The following HSD11B1L variants were observed in gnomAD, a reference collection of about 807,000 sequenced individuals.
The protein encoded by HSD11B1L is hydroxysteroid 11-beta-dehydrogenase 1-like protein.
Under a neutral mutation model 27.0 loss-of-function variants are expected in HSD11B1L, and 22 were observed. The observed-to-expected ratio is 0.81, with a 90% confidence interval of 0.58 to 1.16. The LOEUF is 1.16. HSD11B1L is among the 50% of genes most tolerant of loss of function. HSD11B1L has a pLI of 0.00. For missense variants in HSD11B1L, 372 were observed against 401.8 expected (o/e 0.93, Z 0.63); for synonymous variants, 187 against 189.2 (o/e 0.99, Z 0.09).
In HSD11B1L at chr19:5,687,441, G is replaced by A. The variant is rs1599429684; in HGVS notation, c.503-62G>A. 6.3e-7 allele frequency: 1 copy of A among 1,595,476 alleles called. No homozygotes were observed. The highest frequency in any genetic ancestry group is 1.3e-5 in the African/African-American group (1 of 74,672). On this transcript the variant is annotated intron_variant, in intron 6 of 7. Transcript: ENST00000339423. The surrounding 1 kb of genome is among the most constrained non-coding windows in gnomAD (Gnocchi z 6.6). The stretch of plus-strand genomic sequence containing the variant: ...GGAGCTCGATGCGGGTGAGCCTGGA[G>A]GGTCTGGGCAGGCTTCCCGGACGAG...
rs551382519 is a variant in HSD11B1L at position 5,687,392 on chromosome 19, C to T, written c.502+17C>T. ...CGCTGCTCGGTGCGTGCACCCGGCC[C>T]CGGCTCTGCGGGACGGGGAGTGGGG... On this transcript the variant is annotated intron_variant, in intron 6 of 7. Transcript: ENST00000339423. The surrounding 1 kb of genome is among the most constrained non-coding windows in gnomAD (Gnocchi z 6.6). 10 of 1,609,850 alleles carry T rather than the reference C, an allele frequency of 6.2e-6. No individual in the cohort carries two copies. In the East Asian group the frequency reaches 2.2e-4, roughly 36 times the overall value.
In HSD11B1L at chr19:5,687,687, G is replaced by GGGGGC. The variant is rs1203541862; in HGVS notation, c.668+20_668+24dup. ...CAGTCAGGTGAGGCCCGGACAAGCTGGGGGCTGGGCTGGGGGCCATGGCCC... is the reference window on the plus strand; with the variant it reads ...CAGTCAGGTGAGGCCCGGACAAGCTGGGGGCGGGGCTGGGCTGGGGGCCATGGCCC... On this transcript the variant is annotated intron_variant, in intron 7 of 7. Coordinates refer to ENST00000339423, the MANE Select transcript of HSD11B1L (RefSeq NM_198706.3). This position sits in a 1 kb window ranked among gnomAD's most constrained non-coding sequence, Gnocchi z 6.6. 1 of 1,560,352 alleles carries GGGGGC rather than the reference G, an allele frequency of 6.4e-7. No homozygotes were observed. The highest frequency in any genetic ancestry group is 8.6e-7 in the Non-Finnish European group (1 of 1,157,840).
In HSD11B1L at chr19:5,687,418, A is replaced by G. The variant is rs1473148343; in HGVS notation, c.502+43A>G. The G allele has an allele frequency of 3.1e-6, 5 of 1,604,258 alleles. No individual in the cohort carries two copies. Among genetic ancestry groups the G allele is most frequent in the Middle Eastern group, 1.7e-4 (1 of 5,882 alleles). On this transcript the variant is annotated intron_variant, in intron 6 of 7. Coordinates refer to ENST00000339423, the MANE Select transcript of HSD11B1L (RefSeq NM_198706.3). This position sits in a 1 kb window ranked among gnomAD's most constrained non-coding sequence, Gnocchi z 6.6. ...CGGCTCTGCGGGACGGGGAGTGGGG[A>G]GCTCGATGCGGGTGAGCCTGGAGGG...
Position 5,687,478 on chromosome 19 carries a change from C to G in HSD11B1L, c.503-25C>G. The G allele has an allele frequency of 6.3e-7, 1 of 1,588,480 alleles. No individual in the cohort carries two copies. The highest frequency in any genetic ancestry group is 8.5e-7 in the Non-Finnish European group (1 of 1,172,536). ...GCTTCCCGGACGAGGGGGAGCCACT[C>G]AGCCGCTGCCGTCCGCGCCCCCAGG... is the stretch of plus-strand genomic sequence containing the variant. On this transcript the variant is annotated intron_variant, in intron 6 of 7. Transcript: ENST00000339423. The surrounding 1 kb of genome is among the most constrained non-coding windows in gnomAD (Gnocchi z 6.6).
intron 1 of HSD11B1L, chr19:5,684,131 T>G (rs2054625748): frequency 2.4e-6 from 1 of 419,002 alleles, no homozygotes; most frequent in Non-Finnish European, 4.2e-6. Context: ...TGTGCGTGCC[T>G]CAGCCCCCTG....
At position 5,685,931 on chromosome 19, in the gene HSD11B1L, C is replaced by G. The variant is rs2054678462; in HGVS notation, c.205-485C>G. Among the ~76,000 whole-genome samples the G allele has an allele frequency of 6.6e-6, 1 of 152,060 alleles. No homozygotes were observed. Among genetic ancestry groups the G allele is most frequent in the Non-Finnish European group, 1.5e-5 (1 of 68,002 alleles). ...ACAAACAAACAAAAAAACCCACCTT[C>G]TCATGGGTTAGGATGTTGTGCCAAT... On this transcript the variant is annotated intron_variant, in intron 3 of 7. Coordinates refer to ENST00000339423, the MANE Select transcript of HSD11B1L (RefSeq NM_198706.3). This position sits in a 1 kb window ranked among gnomAD's most constrained non-coding sequence, Gnocchi z 4.3.
chr19:5,682,628 TG>T (rs2054585645), intron 1 of HSD11B1L, among the ~76,000 whole-genome samples: 1 of 151,876 alleles, frequency 6.6e-6, no homozygotes, highest in South Asian at 2.1e-4. Flanking sequence ...GAGCCTGGAT[TG>T]GGTCCTGCTG....
At position 5,687,346 on chromosome 19, in the gene HSD11B1L, G is replaced by A; in HGVS notation, c.473G>A (p.Gly158Asp). Reference sequence around the variant, plus strand: ...CTGCCCAGCCTGACGGACAGCAAGGGCTCCCTGGTGGTGGTGTCCTCGCTG... The same window carrying A: ...CTGCCCAGCCTGACGGACAGCAAGGACTCCCTGGTGGTGGTGTCCTCGCTG... ...RALPSLTDSK[G>D]SLVVVSSLLG... The change falls in exon 6 of 8, where the codon GGC (glycine) becomes GAC (aspartate). Residue 158 changes from glycine (G) to aspartate (D), a missense_variant. By Grantham distance (94) the Gly-to-Asp change is moderately conservative. Transcript: ENST00000339423. The surrounding 1 kb of genome is among the most constrained non-coding windows in gnomAD (Gnocchi z 6.6). 2 of 1,612,706 alleles carry A rather than the reference G, an allele frequency of 1.2e-6. No individual in the cohort carries two copies. The highest frequency in any genetic ancestry group is 1.7e-6 in the Non-Finnish European group (2 of 1,179,756).
At position 5,687,322 on chromosome 19, in the gene HSD11B1L, T is replaced by A; in HGVS notation, c.449T>A (p.Leu150Gln). The A allele has an allele frequency of 6.2e-7, 1 of 1,612,876 alleles. No individual in the cohort carries two copies. Among genetic ancestry groups the A allele is most frequent in the Non-Finnish European group, 8.5e-7 (1 of 1,179,788 alleles). The change falls in exon 6 of 8, where the codon CTG (leucine) becomes CAG (glutamine). Residue 150 changes from leucine (L) to glutamine (Q), a missense_variant. Leu to Gln is a moderately radical substitution (Grantham distance 113). Coordinates refer to ENST00000339423, the MANE Select transcript of HSD11B1L (RefSeq NM_198706.3). This position sits in a 1 kb window ranked among gnomAD's most constrained non-coding sequence, Gnocchi z 6.6. Reference protein sequence around the residue: ...VSYVQLTSRALPSLTDSKGSL... With the variant: ...VSYVQLTSRAQPSLTDSKGSL... ...TACGTGCAACTGACGTCGCGGGCGC[T>A]GCCCAGCCTGACGGACAGCAAGGGC...
At chr19:5,683,591 G>A (rs563327997) in intron 1 of HSD11B1L, among the ~76,000 whole-genome samples, 25 of 152,262 alleles carry the variant, frequency 1.6e-4, no homozygotes, top group Admixed American at 1.4e-3. Context: ...ATGGTGGAAC[G>A]AGTAACAAAT....
chr19:5,682,875 TG>T (rs1285383440), intron 1 of HSD11B1L, among the ~76,000 whole-genome samples: 2 of 140,802 alleles, frequency 1.4e-5, no homozygotes, highest in East Asian at 4.3e-4. Flanking sequence ...TGGAATGCAG[TG>T]GGGCGATCTC....
chr19:5,687,010 GC>G lies in HSD11B1L; in HGVS notation c.408+23del. ...CATGCAGGTGCTCCGCTCCTCCGCG[GC>G]CCCGGCCCGCCCCTCTATCTCAGGG... is the stretch of plus-strand genomic sequence containing the variant. On this transcript the variant is annotated intron_variant, in intron 5 of 7. Transcript: ENST00000339423. This position sits in a 1 kb window ranked among gnomAD's most constrained non-coding sequence, Gnocchi z 6.6. The G allele has an allele frequency of 6.6e-7, 1 of 1,523,376 alleles. No individual in the cohort carries two copies. 94.4% of individuals were successfully genotyped at this position (1,523,376 alleles called of 1,614,324 possible). A position where few individuals can be genotyped will look rare whatever the true frequency, so the allele number is the denominator to read the frequency against.
At chr19:5,684,776 G>A (rs770284878) in intron 1 of HSD11B1L, 43 bp from the exon 2 acceptor site, 2 of 1,612,124 alleles carry the variant, frequency 1.2e-6, no homozygotes, top group Admixed American at 1.7e-5. Flanking sequence ...GTGGCTGTGG[G>A]CCAGGCCTGT....
At chr19:5,681,842 T>C (rs756717834) in intron 1 of HSD11B1L, among the ~76,000 whole-genome samples, 1 of 152,198 alleles carries the variant, frequency 6.6e-6, no homozygotes, top group Non-Finnish European at 1.5e-5. Context: ...CATCCATACA[T>C]GCATCTGTCC....
rs867764533 is a variant in HSD11B1L, at chr19:5,688,164, T to G, written c.*219T>G. ...CGTGTTAGGCGCCTTTGTCGGGGAC[T>G]TGCAAGGCCTCACCTGTTTGGCCAT... On this transcript the variant is annotated 3_prime_UTR_variant, in exon 8 of 8. Transcript: ENST00000339423. 2.6e-5 allele frequency: 41 copies of G among 1,550,542 alleles called. No homozygotes were observed. In the African/African-American group the frequency reaches 4.7e-4, roughly 18 times the overall value.
At chr19:5,681,356 G>A (rs902643608) in intron 1 of HSD11B1L, 85 bp downstream of exon 1, 1 of 152,330 alleles carries the variant, frequency 6.6e-6, no homozygotes, top group Non-Finnish European at 1.5e-5. Flanking sequence ...GGTCAAGAAG[G>A]GGCCGATGCG....
At chr19:5,684,450 T>C in intron 1 of HSD11B1L, 1 of 394,104 alleles carries the variant, frequency 2.5e-6, no homozygotes, top group Admixed American at 4.1e-5. Context: ...CTGGCTGGTT[T>C]CAAGGAACAG....
rs1206537158 is a variant in HSD11B1L at position 5,683,968 on chromosome 19, C to CT, written c.-14-844dup. ...CCCTCACTTGAAGGAGGTCACTGTT[C>CT]TTTTTTTGTTTGTTTGTTTGTTTTT... On this transcript the variant is annotated intron_variant, in intron 1 of 7. Coordinates refer to ENST00000339423, the MANE Select transcript of HSD11B1L (RefSeq NM_198706.3). 9 of 411,984 alleles carry CT rather than the reference C, an allele frequency of 2.2e-5. No homozygotes were observed. The South Asian group carries it at 2.3e-4, about 11-fold the overall frequency. The allele number at this position is 411,984 out of a possible 1,614,324, so 25.5% of individuals were successfully genotyped here.
At chr19:5,684,644 G>C (rs2054639523) in intron 1 of HSD11B1L, 175 bp from the exon 2 acceptor site, 7 of 901,816 alleles carry the variant, frequency 7.8e-6, no homozygotes, top group Non-Finnish European at 1.1e-5. Context: ...AGGTGCGGTG[G>C]TTCATGGAGC....
Sources: gnomAD v4.1 joint callset for allele counts (sites outside exome capture counted in the v4.1 genomes callset) on GRCh38, gnomAD v4.1.1 for gene constraint, Gnocchi (gnomAD v3.1) non-coding constraint, MANE v1.5 for transcripts, NCBI Gene and HGNC (gene_info 2026-07-23, HGNC 2026-07-21) for gene names.